The following HSD17B11 variants were observed in gnomAD, a reference collection of about 807,000 sequenced individuals.
HSD17B11 encodes the protein estradiol 17-beta-dehydrogenase 11.
A neutral mutation model predicts 27.8 loss-of-function variants in HSD17B11; 22 were observed. The ratio of observed to expected loss-of-function variants is 0.79; its 90% CI spans 0.56 to 1.13. The LOEUF (loss-of-function observed/expected upper bound fraction) is 1.13, where lower values mean the gene tolerates loss of function less well. Among genes scored for constraint, HSD17B11 ranks in the 50% most tolerant of loss-of-function variants. The probability of loss-of-function intolerance (pLI) is 0.00; values close to 1 mark genes in which losing one functional copy is unlikely to be tolerated. For synonymous variants in HSD17B11, 117 were observed against 132.8 expected (o/e 0.88, Z 0.82); for missense variants, 314 against 351.1 (o/e 0.89, Z 0.84).
intron 2 of HSD17B11, among the ~76,000 whole-genome samples, chr4:87,375,073 ATTTTTAGTAGAG>A (rs1169646462): frequency 8.5e-5 from 13 of 152,140 alleles, no homozygotes; most frequent in South Asian, 4.1e-4. Flanking sequence ...TAATTTTTAT[ATTTTTAGTAGAG>A]ATTGGATTTC....
chr4:87,339,706 G>T (rs950031003), intron 6 of HSD17B11, among the ~76,000 whole-genome samples: 19 of 152,238 alleles, frequency 1.2e-4, no homozygotes, highest in African/African-American at 4.6e-4. Flanking sequence ...GAAACTAGTG[G>T]TTTCCAATCT....
intron 5 of HSD17B11, among the ~76,000 whole-genome samples, chr4:87,353,109 C>A (rs9307033): frequency 9.5e-6 from 1 of 105,410 alleles, no homozygotes; most frequent in Non-Finnish European, 1.9e-5. Context: ...AGCTGTAGAC[C>A]GGAGCTGTTC....
chr4:87,361,723 C>T (rs546706875), intron 4 of HSD17B11, among the ~76,000 whole-genome samples: 90 of 152,214 alleles, frequency 5.9e-4, no homozygotes, highest in African/African-American at 2.0e-3. Context: ...GCTGAGATCG[C>T]GCCGCTGCAC....
intron 5 of HSD17B11, among the ~76,000 whole-genome samples, chr4:87,356,606 A>T (rs1735392519): frequency 6.6e-6 from 1 of 152,264 alleles, no homozygotes; most frequent in African/African-American, 2.4e-5. Flanking sequence ...GAAATTAAAA[A>T]AGAAACTTTT....
rs147095289 is a variant in HSD17B11, at chr4:87,362,906, G to A, written c.558-5490C>T. On this transcript the variant is annotated intron_variant, in intron 4 of 6. Transcript: ENST00000358290. ...CACCCTGCCACAGGCAATACTTTCC[G>A]TCTCTACTTTTCCTTTCCCTTTCTT... Among the ~76,000 whole-genome samples, 187 of 152,178 alleles carry A rather than the reference G, an allele frequency of 1.2e-3. 3 individuals are homozygous for A. In the East Asian group the frequency reaches 0.031, roughly 25 times the overall value.
chr4:87,390,765 C>T (rs1402841367), intron 1 of HSD17B11, 96 bp downstream of exon 1: 11 of 1,057,874 alleles, frequency 1.0e-5, no homozygotes, highest in Admixed American at 7.8e-5. Flanking sequence ...TTCCTCCCTG[C>T]TTTGCAGAGA....
intron 1 of HSD17B11, among the ~76,000 whole-genome samples, chr4:87,389,584 TTC>T (rs2110136663): frequency 6.6e-6 from 1 of 152,320 alleles, no homozygotes; most frequent in African/African-American, 2.4e-5. Context: ...GAACCTTATT[TTC>T]TGTTTGTCAC....
At chr4:87,369,810 T>C (rs935068855) in intron 4 of HSD17B11, among the ~76,000 whole-genome samples, 2 of 152,224 alleles carry the variant, frequency 1.3e-5, no homozygotes, top group Admixed American at 1.3e-4. Context: ...GTTCCCATAC[T>C]GGCAACTTTT....
intron 4 of HSD17B11, among the ~76,000 whole-genome samples, chr4:87,360,340 A>G (rs1735482557): frequency 6.7e-6 from 1 of 150,360 alleles, no homozygotes; most frequent in African/African-American, 2.4e-5. Flanking sequence ...AAATTCATTA[A>G]AAGTATGCCA....
intron 4 of HSD17B11, among the ~76,000 whole-genome samples, chr4:87,358,506 G>A (rs965545099): frequency 1.3e-4 from 19 of 151,884 alleles, no homozygotes; most frequent in African/African-American, 4.4e-4. Context: ...ATTTAAAAAG[G>A]GCTTTATTGA....
intron 2 of HSD17B11, among the ~76,000 whole-genome samples, chr4:87,376,420 G>A (rs1222232212): frequency 6.7e-6 from 1 of 148,528 alleles, no homozygotes; most frequent in Non-Finnish European, 1.5e-5. Flanking sequence ...CAGGAGAATC[G>A]CTTGAACCCA....
intron 5 of HSD17B11, among the ~76,000 whole-genome samples, chr4:87,343,476 T>C (rs924995177): frequency 4.6e-5 from 7 of 151,904 alleles, no homozygotes; most frequent in Middle Eastern, 7.0e-3. Context: ...TATTTTCGTC[T>C]GAAGGATTGT....
At chr4:87,342,954 T>A (rs1735197302) in intron 5 of HSD17B11, among the ~76,000 whole-genome samples, 1 of 152,222 alleles carries the variant, frequency 6.6e-6, no homozygotes, top group South Asian at 2.1e-4. Flanking sequence ...AAGGATGCTA[T>A]GCCTTGAAAA....
In HSD17B11 at chr4:87,340,484, A is replaced by G. The variant is rs1264595901; in HGVS notation, c.812+6T>C. 1.3e-6 allele frequency: 2 copies of G among 1,550,760 alleles called. No individual in the cohort carries two copies. The highest frequency in any genetic ancestry group is 1.8e-6 in the Non-Finnish European group (2 of 1,131,232). On this transcript the variant is annotated splice_donor_region_variant and intron_variant, in intron 6 of 6. Transcript: ENST00000358290. ...TCATTTCTAAGGTTTCTTAACTGTC[A>G]CTTACCTTTCCAATGTTGTTAAAAA... is the stretch of plus-strand genomic sequence containing the variant.
chr4:87,343,936 C>T (rs1735220270), intron 5 of HSD17B11, among the ~76,000 whole-genome samples: 1 of 152,132 alleles, frequency 6.6e-6, no homozygotes, highest in East Asian at 1.9e-4. Context: ...AAATGTTTAA[C>T]CACTGGCTCT....
At chr4:87,389,157 G>C (rs891144300) in intron 1 of HSD17B11, among the ~76,000 whole-genome samples, 3 of 152,064 alleles carry the variant, frequency 2.0e-5, no homozygotes, top group African/African-American at 7.2e-5. Context: ...TGCTGGTCCA[G>C]GCTGGACCTG....
At chr4:87,367,394 A>G (rs1735630679) in intron 4 of HSD17B11, among the ~76,000 whole-genome samples, 1 of 152,220 alleles carries the variant, frequency 6.6e-6, no homozygotes, top group Admixed American at 6.5e-5. Flanking sequence ...CTCAAAAGAA[A>G]AGTGTTTTAC....
chr4:87,381,578 T>A (rs1160855748), intron 2 of HSD17B11, among the ~76,000 whole-genome samples: 2 of 151,788 alleles, frequency 1.3e-5, no homozygotes, highest in African/African-American at 4.8e-5. Flanking sequence ...GGCAACATGG[T>A]GAGACCCCGT....
chr4:87,344,785 G>A (rs11946007), intron 5 of HSD17B11, among the ~76,000 whole-genome samples: 27,249 of 152,138 alleles, frequency 0.18, 2,690 homozygotes, highest in African/African-American at 0.25. Context: ...AAAGATTAAA[G>A]TTATACAAAC....
Sources: allele counts gnomAD v4.1 joint callset (sites outside exome capture counted in the v4.1 genomes callset), GRCh38; gene constraint gnomAD v4.1.1; transcripts MANE v1.5; gene names NCBI Gene and HGNC (gene_info 2026-07-23, HGNC 2026-07-21).